The following SPECC1L variants were observed in gnomAD, a reference collection of about 807,000 sequenced individuals.
SPECC1L encodes cytospin-A.
In SPECC1L, 40 loss-of-function variants were observed where a neutral mutation model predicts 116.8. The ratio of observed to expected loss-of-function variants is 0.34; its 90% CI spans 0.27 to 0.45. SPECC1L has a LOEUF of 0.45. SPECC1L is among the 20% of genes least tolerant of loss of function. SPECC1L has a pLI of 1.00. For missense variants in SPECC1L, 1,110 were observed against 1,373.6 expected (o/e 0.81, Z 3.03); for synonymous variants, 504 against 500.6 (o/e 1.01, Z -0.09).
At chr22:24,291,612 A>G (rs1328898612) in intron 2 of SPECC1L, among the ~76,000 whole-genome samples, 3 of 151,864 alleles carry the variant, frequency 2.0e-5, no homozygotes, top group Admixed American at 2.0e-4. Context: ...GTAGTCATAC[A>G]TGGGGCATGC....
At chr22:24,311,554 C>T (rs745877683) in intron 3 of SPECC1L, among the ~76,000 whole-genome samples, 2 of 152,084 alleles carry the variant, frequency 1.3e-5, no homozygotes, top group African/African-American at 2.4e-5. Context: ...CTTGTAATCC[C>T]AGCAGTTTGG....
At chr22:24,403,085 A>G (rs1236846637) in intron 14 of SPECC1L, among the ~76,000 whole-genome samples, 1 of 152,172 alleles carries the variant, frequency 6.6e-6, no homozygotes, top group African/African-American at 2.4e-5. Context: ...AAGGACAGCA[A>G]ATGGCACTGT....
intron 15 of SPECC1L, 44 bp from the exon 16 acceptor site, chr22:24,412,604 C>T: frequency 6.2e-7 from 1 of 1,604,648 alleles, no homozygotes; most frequent in Non-Finnish European, 8.5e-7. Flanking sequence ...GTGACTTTCT[C>T]TGTGCCTTGT....
At chr22:24,357,250 T>G (rs1304062062) in intron 11 of SPECC1L, among the ~76,000 whole-genome samples, 1 of 152,150 alleles carries the variant, frequency 6.6e-6, no homozygotes, top group Admixed American at 6.5e-5. Context: ...TCATCCATTT[T>G]GTGGCATGAA....
At chr22:24,413,902 C>T (rs1038078343) in intron 16 of SPECC1L, among the ~76,000 whole-genome samples, 8 of 152,098 alleles carry the variant, frequency 5.3e-5, no homozygotes, top group Non-Finnish European at 1.0e-4. Flanking sequence ...GGTCACTCCC[C>T]GAGCCTTCAG....
chr22:24,338,486 C>T lies in SPECC1L; in HGVS notation c.2652+9C>T, dbSNP rs1315916841. 4 of 1,613,390 alleles carry T rather than the reference C, an allele frequency of 2.5e-6. No individual in the cohort carries two copies. The highest frequency in any genetic ancestry group is 2.2e-5 in the East Asian group (1 of 44,882). The stretch of plus-strand genomic sequence containing the variant: ...CTGTGTCCCCTATGCAGGTGAGTGC[C>T]TGGAACCACAGGAGGCTCTTAGAGC... On this transcript the variant is annotated intron_variant, in intron 10 of 16. Coordinates refer to ENST00000314328, the MANE Select transcript of SPECC1L (RefSeq NM_015330.6).
At chr22:24,402,095 CTGCTTCCCCT>C (rs972770834) in intron 14 of SPECC1L, among the ~76,000 whole-genome samples, 1 of 91,082 alleles carries the variant, frequency 1.1e-5, no homozygotes, top group Non-Finnish European at 2.6e-5. Flanking sequence ...TGAAAATGTA[CTGCTTCCCCT>C]TCCTTCCCCT....
intron 14 of SPECC1L, among the ~76,000 whole-genome samples, chr22:24,397,357 T>C (rs547390515): frequency 6.6e-6 from 1 of 152,344 alleles, no homozygotes; most frequent in South Asian, 2.1e-4. Flanking sequence ...GTGCATTTCA[T>C]ATCCAGGCTG....
At chr22:24,385,991 T>G (rs894905338) in intron 14 of SPECC1L, among the ~76,000 whole-genome samples, 13 of 152,182 alleles carry the variant, frequency 8.5e-5, no homozygotes, top group Admixed American at 7.2e-4. Flanking sequence ...CCACATGCAC[T>G]GTCAAAAGAT....
rs557165485 is a variant in SPECC1L, at chr22:24,405,587, C to G, written c.3088-6001C>G. On this transcript the variant is annotated intron_variant, in intron 14 of 16. Transcript: ENST00000314328. ...GGGCACGGTAGCTCACACCTGTAATCCCAACATTTTGGGAGGCTGAGGTGG... is the reference window on the plus strand; with the variant it reads ...GGGCACGGTAGCTCACACCTGTAATGCCAACATTTTGGGAGGCTGAGGTGG... Among the ~76,000 whole-genome samples the G allele has an allele frequency of 2.0e-5, 3 of 152,206 alleles. No homozygotes were observed. The South Asian group carries it at 6.3e-4, about 32-fold the overall frequency.
chr22:24,369,369 G>T (rs754505905), intron 14 of SPECC1L, 49 bp downstream of exon 14: 1 of 1,361,112 alleles, frequency 7.3e-7, no homozygotes, highest in South Asian at 1.2e-5. Context: ...CAAACCAACT[G>T]CTGGAGTGTC....
chr22:24,395,319 G>A (rs946955688), intron 14 of SPECC1L, among the ~76,000 whole-genome samples: 4 of 152,146 alleles, frequency 2.6e-5, no homozygotes, highest in Non-Finnish European at 5.9e-5. Context: ...TGTGAGGTAT[G>A]GATTGAGGTG....
chr22:24,396,540 C>T (rs1488896522), intron 14 of SPECC1L, among the ~76,000 whole-genome samples: 1 of 152,120 alleles, frequency 6.6e-6, no homozygotes, highest in African/African-American at 2.4e-5. Context: ...TCAGGTAATT[C>T]ACCCATCTCG....
chr22:24,395,650 C>T (rs932377263), intron 14 of SPECC1L, among the ~76,000 whole-genome samples: 6 of 151,678 alleles, frequency 4.0e-5, no homozygotes, highest in Admixed American at 2.0e-4. Context: ...TTTTTTTTCT[C>T]TTTTTCAGAC....
chr22:24,312,264 C>T (rs2040477314), intron 3 of SPECC1L, among the ~76,000 whole-genome samples: 1 of 152,176 alleles, frequency 6.6e-6, no homozygotes, highest in Non-Finnish European at 1.5e-5. Flanking sequence ...CCACTGTGCC[C>T]AGCCTTTTCT....
At chr22:24,350,157 G>A (rs1210823963) in intron 11 of SPECC1L, among the ~76,000 whole-genome samples, 2 of 151,956 alleles carry the variant, frequency 1.3e-5, no homozygotes, top group East Asian at 1.9e-4. Flanking sequence ...CTGCTGGATC[G>A]AACCTCCTCA....
Position 24,390,872 on chromosome 22 carries a change from C to CTTTT in SPECC1L, c.3088-20693_3088-20690dup, listed in dbSNP as rs1016008966. ...TGTTCCTTTTTTTTTTTTTTCTTTT[C>CTTTT]TTTTTTTTTTTTTTTTTTTTTTTTT... On this transcript the variant is annotated intron_variant, in intron 14 of 16. Transcript: ENST00000314328. Among the ~76,000 whole-genome samples the CTTTT allele has an allele frequency of 4.1e-3, 237 of 57,118 alleles. 5 individuals are homozygous for CTTTT. The highest frequency in any genetic ancestry group is 7.6e-3 in the African/African-American group (100 of 13,214). 37.5% of individuals were successfully genotyped at this position (57,118 alleles called of 152,430 possible). A position where few individuals can be genotyped will look rare whatever the true frequency, so the allele number is the denominator to read the frequency against.
At chr22:24,293,474 G>GA (rs900083398) in intron 2 of SPECC1L, among the ~76,000 whole-genome samples, 2 of 136,654 alleles carry the variant, frequency 1.5e-5, no homozygotes, top group Non-Finnish European at 3.2e-5. Flanking sequence ...TAAAAGGGGG[G>GA]AAAAAGAGAA....
At chr22:24,361,032 AGCTCATCCTTCCACTCCCCTAG>A (rs1569435069) in intron 11 of SPECC1L, among the ~76,000 whole-genome samples, 1 of 152,184 alleles carries the variant, frequency 6.6e-6, no homozygotes, top group Admixed American at 6.5e-5. Flanking sequence ...ATCTTTATTA[AGCTCATCCTTCCACTCCCCTAG>A]GCCTCCAAAG....
Sources: allele counts gnomAD v4.1 joint callset (sites outside exome capture counted in the v4.1 genomes callset), GRCh38; gene constraint gnomAD v4.1.1; transcripts MANE v1.5; gene names NCBI Gene and HGNC (gene_info 2026-07-23, HGNC 2026-07-21).